KANK1: variants seen among roughly 807,000 people sequenced by gnomAD.
KANK1 encodes the protein KN motif and ankyrin repeat domains 1.
A neutral mutation model predicts 106.2 loss-of-function variants in KANK1; 109 were observed. That is an observed-to-expected ratio of 1.03 (90% CI 0.88 to 1.20). KANK1 has a LOEUF of 1.20. Ranked by LOEUF, KANK1 falls within the 50% of genes most tolerant of loss-of-function variation. The probability of loss-of-function intolerance (pLI) is 0.00; values close to 1 mark genes in which losing one functional copy is unlikely to be tolerated. For missense variants in KANK1, 2,399 were observed against 1,710.7 expected (o/e 1.40, Z -7.10); for synonymous variants, 873 against 652.2 (o/e 1.34, Z -5.16).
intron 2 of KANK1, among the ~76,000 whole-genome samples, chr9:471,768 C>G (rs1335916493): frequency 6.6e-6 from 1 of 152,146 alleles, no homozygotes; most frequent in Non-Finnish European, 1.5e-5. Context: ...GTGGTGCATA[C>G]TTGTAGTCCT....
At chr9:495,765 T>G (rs1033400257) in intron 3 of KANK1, among the ~76,000 whole-genome samples, 14 of 152,102 alleles carry the variant, frequency 9.2e-5, no homozygotes, top group African/African-American at 3.1e-4. Context: ...CAGAAAAACC[T>G]TCATTTTTAT....
chr9:533,583 A>G (rs914672386), intron 1 of KANK1, among the ~76,000 whole-genome samples: 1 of 152,178 alleles, frequency 6.6e-6, no homozygotes, highest in African/African-American at 2.4e-5. Context: ...CTGAATCCTG[A>G]ATAGTTTTTA....
At chr9:683,193 C>T (rs1817908367) in intron 2 of KANK1, among the ~76,000 whole-genome samples, 1 of 152,160 alleles carries the variant, frequency 6.6e-6, no homozygotes, top group South Asian at 2.1e-4. Context: ...GAAACTATGG[C>T]TGCTTTAATT....
chr9:549,998 T>TGA (rs925025713), intron 1 of KANK1, among the ~76,000 whole-genome samples: 1 of 152,126 alleles, frequency 6.6e-6, no homozygotes, highest in Non-Finnish European at 1.5e-5. Flanking sequence ...CTGGGGACAC[T>TGA]GAGGTGGGTT....
At chr9:685,160 G>T (rs960195514) in intron 2 of KANK1, among the ~76,000 whole-genome samples, 1 of 152,158 alleles carries the variant, frequency 6.6e-6, no homozygotes, top group African/African-American at 2.4e-5. Flanking sequence ...GCCTGGTTCT[G>T]CTTTTGAGCT....
At chr9:508,240 G>A (rs895436714) in intron 1 of KANK1, among the ~76,000 whole-genome samples, 1 of 143,678 alleles carries the variant, frequency 7.0e-6, no homozygotes, top group Non-Finnish European at 1.5e-5. Flanking sequence ...CCGGGTTCAA[G>A]CGATTCTCTG....
chr9:682,766 G>A (rs966576855), intron 2 of KANK1, among the ~76,000 whole-genome samples: 3 of 152,126 alleles, frequency 2.0e-5, no homozygotes, highest in African/African-American at 4.8e-5. Context: ...CTTGAATCTC[G>A]TTATCTTGGT....
intron 1 of KANK1, chr9:549,619 C>G (rs906806909): frequency 6.6e-6 from 1 of 152,254 alleles, no homozygotes. Flanking sequence ...CTGGCTTCCA[C>G]CGGCAATAGC....
intron 1 of KANK1, among the ~76,000 whole-genome samples, chr9:593,830 G>T (rs1373947488): frequency 6.6e-6 from 1 of 151,906 alleles, no homozygotes; most frequent in African/African-American, 2.4e-5. Flanking sequence ...GTTATGACAA[G>T]TAACTGGACT....
intron 3 of KANK1, among the ~76,000 whole-genome samples, chr9:729,628 C>T (rs1284042344): frequency 2.0e-5 from 3 of 152,198 alleles, no homozygotes; most frequent in African/African-American, 7.2e-5. Flanking sequence ...ATCTCTGGCT[C>T]TGCAGTGTGG....
chr9:734,657 C>T (rs1427392829), intron 6 of KANK1, 91 bp from the exon 7 acceptor site: 18 of 856,882 alleles, frequency 2.1e-5, no homozygotes, highest in East Asian at 2.7e-5. Context: ...CAGAGCATGA[C>T]CCTGTCTCAA....
In KANK1 at chr9:744,555, A is replaced by G. The variant is rs1310670813; in HGVS notation, c.3962A>G (p.Tyr1321Cys). Reference protein sequence around the residue: ...AGHKDIAVLLYAHVNFAKAQS... With the variant: ...AGHKDIAVLLCAHVNFAKAQS... ...CACAAGGACATCGCTGTTCTTCTGT[A>G]TGCCCATGTCAACTTTGCAAAAGCC... The change falls in exon 11 of 12, where the codon TAT becomes TGT. Residue 1321 changes from tyrosine to cysteine, a missense_variant. Physicochemically the swap from Tyr to Cys is radical, Grantham distance 194. Coordinates refer to ENST00000382297, the MANE Select transcript of KANK1 (RefSeq NM_015158.5). The G allele has an allele frequency of 1.2e-6, 2 of 1,614,016 alleles. No homozygotes were observed. The highest frequency in any genetic ancestry group is 1.3e-5 in the African/African-American group (1 of 74,912).
chr9:635,819 C>T (rs1012882804), intron 1 of KANK1, among the ~76,000 whole-genome samples: 3 of 150,318 alleles, frequency 2.0e-5, no homozygotes, highest in Non-Finnish European at 4.4e-5. Context: ...CTGTCTCAGC[C>T]TCCCGAGTAG....
At chr9:592,464 C>G (rs79890457) in intron 1 of KANK1, among the ~76,000 whole-genome samples, 2,011 of 142,774 alleles carry the variant, frequency 0.014, 97 homozygotes, top group African/African-American at 0.051. Flanking sequence ...ATGACTCTTT[C>G]TTTCTGTGAG....
At chr9:650,877 A>AG (rs1423288385) in intron 1 of KANK1, among the ~76,000 whole-genome samples, 7 of 152,186 alleles carry the variant, frequency 4.6e-5, no homozygotes, top group African/African-American at 2.4e-5. Context: ...AAAGAAGTGG[A>AG]GGGAAGGGCT....
chr9:723,890 C>G (rs143904640), intron 3 of KANK1, among the ~76,000 whole-genome samples: 3 of 147,986 alleles, frequency 2.0e-5, no homozygotes, highest in African/African-American at 7.6e-5. Context: ...CCCAGCAGTT[C>G]GAGACTAGCC....
At chr9:533,182 AT>A (rs2060144395) in intron 1 of KANK1, among the ~76,000 whole-genome samples, 1 of 152,154 alleles carries the variant, frequency 6.6e-6, no homozygotes, top group African/African-American at 2.4e-5. Context: ...ATAATCATTA[AT>A]TTTTTCAGTA....
chr9:649,177 C>G (rs1052280129), intron 1 of KANK1, among the ~76,000 whole-genome samples: 1 of 152,132 alleles, frequency 6.6e-6, no homozygotes, highest in African/African-American at 2.4e-5. Flanking sequence ...TCTAGAGTGT[C>G]TTCATAGCAG....
chr9:648,805 A>G (rs1353202015), intron 1 of KANK1, among the ~76,000 whole-genome samples: 3 of 152,210 alleles, frequency 2.0e-5, no homozygotes, highest in Non-Finnish European at 1.5e-5. Context: ...AGCTGCGGAC[A>G]TGTCAGTTGT....
Sources: allele counts gnomAD v4.1 joint callset (sites outside exome capture counted in the v4.1 genomes callset), GRCh38; gene constraint gnomAD v4.1.1; transcripts MANE v1.5; gene names NCBI Gene and HGNC (gene_info 2026-07-23, HGNC 2026-07-21).